The following ZIC2 variants were observed in gnomAD, a reference collection of about 807,000 sequenced individuals.
The protein encoded by ZIC2 is Zic family zinc finger 2.
ZIC2 carries 7 observed loss-of-function variants against 29.5 expected under a neutral mutation model. The observed-to-expected ratio is 0.24, with a 90% confidence interval of 0.14 to 0.45. The LOEUF (loss-of-function observed/expected upper bound fraction) is 0.45. Among genes scored for constraint, ZIC2 ranks in the 20% least tolerant of loss-of-function variants. ZIC2 has a pLI of 1.00. For missense variants in ZIC2, 589 were observed against 781.2 expected (o/e 0.75, Z 2.93); for synonymous variants, 408 against 354.2 (o/e 1.15, Z -1.70).
rs1472571580 is a variant in ZIC2, at chr13:99,983,996, T to C, written c.1075+857T>C. 1.3e-5 allele frequency among the ~76,000 whole-genome samples: 2 copies of C among 152,240 alleles called. No homozygotes were observed. The highest frequency in any genetic ancestry group is 1.9e-4 in the East Asian group (1 of 5,206). ...GTCAATATTTACTCCGAAGTGGGGA[T>C]GCGCCAGCGGCCTATTGTTCTCTTC... On this transcript the variant is annotated intron_variant, in intron 1 of 2. Transcript: ENST00000376335. The surrounding 1 kb of genome is among the most constrained non-coding windows in gnomAD (Gnocchi z 4.7).
chr13:99,985,626 G>C lies in ZIC2; in HGVS notation c.1543G>C (p.Gly515Arg). The C allele has an allele frequency of 1.6e-6, 2 of 1,226,638 alleles. No individual in the cohort carries two copies. The highest frequency in any genetic ancestry group is 4.4e-5 in the East Asian group (1 of 22,964). 76.0% of individuals were successfully genotyped at this position (1,226,638 alleles called of 1,614,324 possible). ...GGGGSSGGGS[G>R]TAGGHSGLSS... ...CGGCGGCAGCTCTGGCGGGGGCAGC[G>C]GGACAGCCGGGGGTCACAGCGGCCT... The change falls in exon 3 of 3, where the codon GGG becomes CGG. Residue 515 changes from glycine to arginine, a missense_variant. Physicochemically the swap from Gly to Arg is moderately radical, Grantham distance 125. This residue lies in a region of ZIC2 where 135 missense variants were observed against 136.7 expected (regional missense o/e 0.99). Coordinates refer to ENST00000376335, the MANE Select transcript of ZIC2 (RefSeq NM_007129.5). This position sits in a 1 kb window ranked among gnomAD's most constrained non-coding sequence, Gnocchi z 6.3.
chr13:99,985,186 G>A lies in ZIC2; in HGVS notation c.1239+77G>A, dbSNP rs1007511667. On this transcript the variant is annotated intron_variant, in intron 2 of 2. Transcript: ENST00000376335. This position sits in a 1 kb window ranked among gnomAD's most constrained non-coding sequence, Gnocchi z 6.3. ...AGCACTGGCCCGGACCACCTCAGCC[G>A]GCCTGGGAGGGTCCCCAGGGGCCAG... 17 of 1,608,632 alleles carry A rather than the reference G, an allele frequency of 1.1e-5. No homozygotes were observed. Among genetic ancestry groups the A allele is most frequent in the African/African-American group, 8.0e-5 (6 of 74,730 alleles).
chr13:99,982,995 G>C lies in ZIC2; in HGVS notation c.931G>C (p.Gly311Arg). The C allele has an allele frequency of 6.2e-7, 1 of 1,614,186 alleles. No homozygotes were observed. The highest frequency in any genetic ancestry group is 8.5e-7 in the Non-Finnish European group (1 of 1,180,042). ...VCFWEECPRE[G>R]KPFKAKYKLV... Reference sequence around the variant, plus strand: ...CTTCTGGGAGGAGTGTCCGCGCGAGGGCAAGCCCTTCAAGGCCAAATACAA... The same window carrying C: ...CTTCTGGGAGGAGTGTCCGCGCGAGCGCAAGCCCTTCAAGGCCAAATACAA... The change falls in exon 1 of 3, where the codon GGC (glycine) becomes CGC (arginine). Residue 311 changes from glycine (G) to arginine (R), a missense_variant. Physicochemically the swap from Gly to Arg is moderately radical, Grantham distance 125 (BLOSUM62 -2). This residue lies in a region of ZIC2 where 33 missense variants were observed against 106.0 expected (regional missense o/e 0.31). Coordinates refer to ENST00000376335, the MANE Select transcript of ZIC2 (RefSeq NM_007129.5).
At position 99,983,921 on chromosome 13, in the gene ZIC2, G is replaced by A. The variant is rs746120345; in HGVS notation, c.1075+782G>A. Among the ~76,000 whole-genome samples, 1 of 152,152 alleles carries A rather than the reference G, an allele frequency of 6.6e-6. No individual in the cohort carries two copies. Among genetic ancestry groups the A allele is most frequent in the South Asian group, 2.1e-4 (1 of 4,826 alleles). ...CTATGACCAGGTCTCAGCCAAAATC[G>A]TGCCAGACGATTTCCTAAAAGAAAG... On this transcript the variant is annotated intron_variant, in intron 1 of 2. Transcript: ENST00000376335. This position sits in a 1 kb window ranked among gnomAD's most constrained non-coding sequence, Gnocchi z 4.7.
In ZIC2 at chr13:99,982,228, C is replaced by T. The variant is rs1181913816; in HGVS notation, c.164C>T (p.Ala55Val). ...AQNGFVDSAA[A>V]HMGAFKLNPG... ...AACGGCTTCGTTGACTCCGCCGCCG[C>T]GCACATGGGAGCCTTCAAGCTCAAC... Residue 55 changes from alanine to valine, a missense_variant, in exon 1 of 3, where the codon GCG becomes GTG. By Grantham distance (64) the Ala-to-Val change is moderately conservative (BLOSUM62 0). Coordinates refer to ENST00000376335, the MANE Select transcript of ZIC2 (RefSeq NM_007129.5). The T allele has an allele frequency of 1.3e-6, 2 of 1,513,212 alleles. No homozygotes were observed. The highest frequency in any genetic ancestry group is 1.8e-6 in the Non-Finnish European group (2 of 1,137,562). The allele number at this position is 1,513,212 out of a possible 1,614,324, so 93.7% of individuals were successfully genotyped here.
At chr13:99,984,547 C>G (rs574499981) in intron 1 of ZIC2, 3 of 298,870 alleles carry the variant, frequency 1.0e-5, no homozygotes, top group African/African-American at 2.2e-5. Flanking sequence ...GGCGAGAAAC[C>G]GACAGCAGCC....
intron 1 of ZIC2, among the ~76,000 whole-genome samples, chr13:99,984,084 T>C (rs542441214): frequency 2.6e-4 from 39 of 152,356 alleles, no homozygotes; most frequent in African/African-American, 9.4e-4. Context: ...TTGAGAAATT[T>C]ATTTGCATGA....
In ZIC2 at chr13:99,985,702, C is replaced by T. The variant is rs746323521; in HGVS notation, c.*20C>T. 7.6e-7 allele frequency: 1 copy of T among 1,323,194 alleles called. No individual in the cohort carries two copies. Among genetic ancestry groups the T allele is most frequent in the Middle Eastern group, 2.1e-4 (1 of 4,784 alleles). 82.0% of individuals were successfully genotyped at this position (1,323,194 alleles called of 1,614,324 possible). ...GTGTGACGGGTCGGGGCCTCTCTCC[C>T]TCTCCCTGTCCCCACCCCAGCGCAG... On this transcript the variant is annotated 3_prime_UTR_variant, in exon 3 of 3. Transcript: ENST00000376335. The surrounding 1 kb of genome is among the most constrained non-coding windows in gnomAD (Gnocchi z 6.3).
Position 99,985,460 on chromosome 13 carries a change from AGCGGCGGCGGCGGCTGCGGCGGCGGCG to A in ZIC2, c.1380_1406del (p.Ala462_Ala470del), listed in dbSNP as rs761822481. 2 of 1,375,428 alleles carry A rather than the reference AGCGGCGGCGGCGGCTGCGGCGGCGGCG, an allele frequency of 1.5e-6. No homozygotes were observed. Among genetic ancestry groups the A allele is most frequent in the East Asian group, 2.9e-5 (1 of 34,714 alleles). The allele number at this position is 1,375,428 out of a possible 1,614,324, so 85.2% of individuals were successfully genotyped here. A position where few individuals can be genotyped will look rare whatever the true frequency, so the allele number is the denominator to read the frequency against. On this transcript the variant is annotated inframe_deletion, in exon 3 of 3. Transcript: ENST00000376335. This position sits in a 1 kb window ranked among gnomAD's most constrained non-coding sequence, Gnocchi z 6.3. ...CCAACCTGTCCCCAGCGGCGGCGGC[AGCGGCGGCGGCGGCTGCGGCGGCGGCG>A]GCCGCGGTGTCCGCGGTGCACCGGG...
chr13:99,985,765 A>G lies in ZIC2; in HGVS notation c.*83A>G. 1.3e-6 allele frequency: 1 copy of G among 754,718 alleles called. No homozygotes were observed. Among genetic ancestry groups the G allele is most frequent in the Non-Finnish European group, 1.8e-6 (1 of 551,086 alleles). The allele number at this position is 754,718 out of a possible 1,614,324, so 46.8% of individuals were successfully genotyped here. On this transcript the variant is annotated 3_prime_UTR_variant, in exon 3 of 3. Transcript: ENST00000376335. The surrounding 1 kb of genome is among the most constrained non-coding windows in gnomAD (Gnocchi z 6.3). ...CAGCTAGCAGCGAGGGCACCTTGTG[A>G]TCATGTTGTTAAAATTATGAATCTG...
Position 99,985,031 on chromosome 13 carries a change from C to T in ZIC2, c.1161C>T (p.His387=), listed in dbSNP as rs753432048. 1.2e-6 allele frequency: 2 copies of T among 1,614,188 alleles called. No individual in the cohort carries two copies. Among genetic ancestry groups the T allele is most frequent in the Non-Finnish European group, 8.5e-7 (1 of 1,180,006 alleles). ...SSDRKKHMHV[H]TSDKPYLCKM... The stretch of plus-strand genomic sequence containing the variant: ...ACAGGAAGAAGCACATGCACGTCCA[C>T]ACCTCCGATAAGCCCTATCTCTGCA... Residue 387 remains histidine (H), a synonymous_variant, in exon 2 of 3, where the codon CAC becomes CAT. Transcript: ENST00000376335. This position sits in a 1 kb window ranked among gnomAD's most constrained non-coding sequence, Gnocchi z 6.3.
chr13:99,983,534 A>T lies in ZIC2; in HGVS notation c.1075+395A>T, dbSNP rs1371031840. Among the ~76,000 whole-genome samples, 2 of 151,874 alleles carry T rather than the reference A, an allele frequency of 1.3e-5. No homozygotes were observed. Among genetic ancestry groups the T allele is most frequent in the Non-Finnish European group, 2.9e-5 (2 of 67,978 alleles). The stretch of plus-strand genomic sequence containing the variant: ...TGTCTGAATGTGCTTTTCTGCTCGG[A>T]GTGTATGTCTGTCTGAGTGGTTTGT... On this transcript the variant is annotated intron_variant, in intron 1 of 2. Transcript: ENST00000376335. The surrounding 1 kb of genome is among the most constrained non-coding windows in gnomAD (Gnocchi z 4.7).
chr13:99,982,711 C>A lies in ZIC2; in HGVS notation c.647C>A (p.Pro216His). The A allele has an allele frequency of 6.2e-7, 1 of 1,600,996 alleles. No homozygotes were observed. The highest frequency in any genetic ancestry group is 1.3e-5 in the African/African-American group (1 of 75,028). ...SAAQLHNQYGPMNMNMGMNMA... is the reference protein window; with the variant it reads ...SAAQLHNQYGHMNMNMGMNMA... ...GCGCAACTCCACAACCAGTACGGCC[C>A]CATGAATATGAACATGGGTATGAAC... Residue 216 changes from proline to histidine, a missense_variant, in exon 1 of 3, where the codon CCC (proline) becomes CAC (histidine). Pro to His is a moderately conservative substitution (Grantham distance 77). Around this residue, in one of 7 missense-constraint regions of ZIC2, gnomAD observed 358 missense variants for 382.0 expected, o/e 0.94. Transcript: ENST00000376335.
In ZIC2 at chr13:99,981,912, C is replaced by A; in HGVS notation, c.-153C>A. Reference sequence around the variant, plus strand: ...TCCAGGCGGCGGCGGAGGCGGCGGGCGCAGGAGAGCGGCTCCCAGGGCTGA... The same window carrying A: ...TCCAGGCGGCGGCGGAGGCGGCGGGAGCAGGAGAGCGGCTCCCAGGGCTGA... On this transcript the variant is annotated 5_prime_UTR_variant, in exon 1 of 3. Coordinates refer to ENST00000376335, the MANE Select transcript of ZIC2 (RefSeq NM_007129.5). The A allele has an allele frequency of 8.1e-7, 1 of 1,236,662 alleles. No homozygotes were observed. Among genetic ancestry groups the A allele is most frequent in the East Asian group, 4.6e-5 (1 of 21,866 alleles). 76.6% of individuals were successfully genotyped at this position (1,236,662 alleles called of 1,614,324 possible).
chr13:99,983,824 G>T lies in ZIC2; in HGVS notation c.1075+685G>T, dbSNP rs952051053. ...GGTCAGCTAGAGCCCCAGGCAGCGCGGCCCCGCGGGGGGATCGCGTGAGAA... is the reference window on the plus strand; with the variant it reads ...GGTCAGCTAGAGCCCCAGGCAGCGCTGCCCCGCGGGGGGATCGCGTGAGAA... On this transcript the variant is annotated intron_variant, in intron 1 of 2. Transcript: ENST00000376335. The surrounding 1 kb of genome is among the most constrained non-coding windows in gnomAD (Gnocchi z 4.7). Among the ~76,000 whole-genome samples, 8 of 152,224 alleles carry T rather than the reference G, an allele frequency of 5.3e-5. No homozygotes were observed. Among genetic ancestry groups the T allele is most frequent in the African/African-American group, 1.9e-4 (8 of 41,466 alleles).
At position 99,985,177 on chromosome 13, in the gene ZIC2, A is replaced by G; in HGVS notation, c.1239+68A>G. ...CGCCGGTGCAGCACTGGCCCGGACC[A>G]CCTCAGCCGGCCTGGGAGGGTCCCC... On this transcript the variant is annotated intron_variant, in intron 2 of 2. Coordinates refer to ENST00000376335, the MANE Select transcript of ZIC2 (RefSeq NM_007129.5). This position sits in a 1 kb window ranked among gnomAD's most constrained non-coding sequence, Gnocchi z 6.3. 5.0e-6 allele frequency: 8 copies of G among 1,610,330 alleles called. No individual in the cohort carries two copies. The highest frequency in any genetic ancestry group is 6.8e-6 in the Non-Finnish European group (8 of 1,177,986).
At position 99,985,584 on chromosome 13, in the gene ZIC2, G is replaced by A; in HGVS notation, c.1501G>A (p.Gly501Arg). 2 of 1,011,938 alleles carry A rather than the reference G, an allele frequency of 2.0e-6. No homozygotes were observed. Among genetic ancestry groups the A allele is most frequent in the African/African-American group, 1.8e-5 (1 of 56,988 alleles). 62.7% of individuals were successfully genotyped at this position (1,011,938 alleles called of 1,614,324 possible). The change falls in exon 3 of 3, where the codon GGG becomes AGG. Residue 501 changes from glycine to arginine, a missense_variant. Physicochemically the swap from Gly to Arg is moderately radical, Grantham distance 125. Coordinates refer to ENST00000376335, the MANE Select transcript of ZIC2 (RefSeq NM_007129.5). This position sits in a 1 kb window ranked among gnomAD's most constrained non-coding sequence, Gnocchi z 6.3. ...CAGCGGCAGTGGCGGGGGCGGCGGCGGGGCGGGCGGCGGGGGCGGCGGCAG... is the reference window on the plus strand; with the variant it reads ...CAGCGGCAGTGGCGGGGGCGGCGGCAGGGCGGGCGGCGGGGGCGGCGGCAG... ...GGSGSGGGGG[G>R]AGGGGGGSSG...
chr13:99,985,157 G>C lies in ZIC2; in HGVS notation c.1239+48G>C. 1 of 1,612,844 alleles carries C rather than the reference G, an allele frequency of 6.2e-7. No homozygotes were observed. Among genetic ancestry groups the C allele is most frequent in the African/African-American group, 1.3e-5 (1 of 75,034 alleles). On this transcript the variant is annotated intron_variant, in intron 2 of 2. Coordinates refer to ENST00000376335, the MANE Select transcript of ZIC2 (RefSeq NM_007129.5). The surrounding 1 kb of genome is among the most constrained non-coding windows in gnomAD (Gnocchi z 6.3). Reference sequence around the variant, plus strand: ...GAGGGCGAGGCAGGCCGAGGCGCCGGTGCAGCACTGGCCCGGACCACCTCA... The same window carrying C: ...GAGGGCGAGGCAGGCCGAGGCGCCGCTGCAGCACTGGCCCGGACCACCTCA...
At position 99,985,700 on chromosome 13, in the gene ZIC2, C is replaced by G. The variant is rs2053264513; in HGVS notation, c.*18C>G. Reference sequence around the variant, plus strand: ...ACGTGTGACGGGTCGGGGCCTCTCTCCCTCTCCCTGTCCCCACCCCAGCGC... The same window carrying G: ...ACGTGTGACGGGTCGGGGCCTCTCTGCCTCTCCCTGTCCCCACCCCAGCGC... On this transcript the variant is annotated 3_prime_UTR_variant, in exon 3 of 3. Coordinates refer to ENST00000376335, the MANE Select transcript of ZIC2 (RefSeq NM_007129.5). The surrounding 1 kb of genome is among the most constrained non-coding windows in gnomAD (Gnocchi z 6.3). The G allele has an allele frequency of 7.5e-7, 1 of 1,329,392 alleles. No homozygotes were observed. The highest frequency in any genetic ancestry group is 1.6e-5 in the South Asian group (1 of 62,722). The allele number at this position is 1,329,392 out of a possible 1,614,324, so 82.3% of individuals were successfully genotyped here.
Sources: allele counts gnomAD v4.1 joint callset (sites outside exome capture counted in the v4.1 genomes callset), GRCh38; gene constraint gnomAD v4.1.1; regional missense constraint gnomAD v4.1.1; non-coding constraint Gnocchi (gnomAD v3.1); transcripts MANE v1.5; gene names NCBI Gene and HGNC (gene_info 2026-07-23, HGNC 2026-07-21).